The following OOSP4A variants were observed in gnomAD, a reference collection of about 807,000 sequenced individuals.
The protein encoded by OOSP4A is oocyte secreted protein family member 4A, also known as oocyte-secreted protein 4A.
At position 59,970,045 on chromosome 11, in the gene OOSP4A, A is replaced by T. The variant is rs1854139387; in HGVS notation, c.480-4A>T. On this transcript the variant is annotated splice_polypyrimidine_tract_variant and splice_region_variant and intron_variant, in intron 4 of 4. Coordinates refer to ENST00000645590, the Ensembl canonical transcript of OOSP4A. ...ATGTAACTGTTTCTTTTCCGTCCTT[A>T]CAGGAACAGTGTTCCCTTGTTGAGC... 3 of 398,106 alleles carry T rather than the reference A, an allele frequency of 7.5e-6. No homozygotes were observed. The highest frequency in any genetic ancestry group is 1.3e-5 in the Non-Finnish European group (3 of 225,702). The allele number at this position is 398,106 out of a possible 1,614,324, so 24.7% of individuals were successfully genotyped here.
At chr11:59,970,134 C>A in exon 5 of OOSP4A, 1 of 397,956 alleles carries the variant, frequency 2.5e-6, no homozygotes, top group Non-Finnish European at 4.4e-6. Flanking sequence ...ATGAGGCTAC[C>A]CTACTTCACC....
At position 59,965,533 on chromosome 11, in the gene OOSP4A, A is replaced by C; in HGVS notation, c.68-2A>C. On this transcript the variant is annotated splice_acceptor_variant, in intron 1 of 4. Coordinates refer to ENST00000645590, the Ensembl canonical transcript of OOSP4A. LOFTEE classifies it high-confidence loss of function. ...TTCCCTTTTTAAATTTTCTTTCAAC[A>C]GTGTCTATAACCTGTTCTGAATCCT... is the stretch of plus-strand genomic sequence containing the variant. 1 of 398,482 alleles carries C rather than the reference A, an allele frequency of 2.5e-6. No homozygotes were observed. Among genetic ancestry groups the C allele is most frequent in the Non-Finnish European group, 4.4e-6 (1 of 225,960 alleles). The allele number at this position is 398,482 out of a possible 1,614,324, so 24.7% of individuals were successfully genotyped here.
chr11:59,970,038 C>T lies in OOSP4A; in HGVS notation c.480-11C>T, dbSNP rs78281142. On this transcript the variant is annotated splice_polypyrimidine_tract_variant and intron_variant, in intron 4 of 4. Transcript: ENST00000645590. ...TACAACAATGTAACTGTTTCTTTTC[C>T]GTCCTTACAGGAACAGTGTTCCCTT... The T allele has an allele frequency of 1.1e-4, 44 of 397,904 alleles. No homozygotes were observed. Among genetic ancestry groups the T allele is most frequent in the African/African-American group, 5.5e-4 (27 of 48,690 alleles). 24.6% of individuals were successfully genotyped at this position (397,904 alleles called of 1,614,324 possible).
chr11:59,965,146 TGGGGGAG>T (rs1186148702), intron 1 of OOSP4A, among the ~76,000 whole-genome samples: 6 of 28,118 alleles, frequency 2.1e-4, no homozygotes, highest in Non-Finnish European at 3.2e-4. Context: ...TGTTGTGGGG[TGGGGGAG>T]GGGGGAGGGG....
intron 2 of OOSP4A, among the ~76,000 whole-genome samples, chr11:59,966,326 G>C (rs779823583): frequency 6.6e-6 from 1 of 151,026 alleles, no homozygotes; most frequent in African/African-American, 2.4e-5. Context: ...GTTTGCTGCT[G>C]TATCTCTAGT....
intron 1 of OOSP4A, among the ~76,000 whole-genome samples, chr11:59,965,257 C>T (rs1854087225): frequency 6.6e-6 from 1 of 152,014 alleles, no homozygotes; most frequent in South Asian, 2.1e-4. Context: ...TGTAACTAAC[C>T]TGCACGTTGT....
In OOSP4A at chr11:59,969,293, A is replaced by G; in HGVS notation, c.479+9A>G. On this transcript the variant is annotated intron_variant, in intron 4 of 4. Transcript: ENST00000645590. The stretch of plus-strand genomic sequence containing the variant: ...CCAAGAGTGTCCTATGTGTAAGAGT[A>G]TTTTGAATTAGTACCATAAATGTTT... 2 of 398,384 alleles carry G rather than the reference A, an allele frequency of 5.0e-6. No individual in the cohort carries two copies. The highest frequency in any genetic ancestry group is 1.3e-4 in the South Asian group (1 of 7,842). 24.7% of individuals were successfully genotyped at this position (398,384 alleles called of 1,614,324 possible).
intron 1 of OOSP4A, among the ~76,000 whole-genome samples, chr11:59,964,996 C>A (rs59228824): frequency 6.6e-6 from 1 of 151,734 alleles, no homozygotes; most frequent in Non-Finnish European, 1.5e-5. Flanking sequence ...GTGCATGTTG[C>A]GATATTTGAC....
chr11:59,969,010 G>A (rs1854130914), intron 3 of OOSP4A, 140 bp from the exon 4 acceptor site: 1 of 392,094 alleles, frequency 2.6e-6, no homozygotes, highest in Admixed American at 4.4e-5. Flanking sequence ...TTTCATATTT[G>A]TCTCAGCTAG....
intron 4 of OOSP4A, 112 bp downstream of exon 4, chr11:59,969,396 T>A (rs1447389216): frequency 5.0e-6 from 2 of 396,334 alleles, no homozygotes; most frequent in Admixed American, 4.4e-5. Flanking sequence ...ATTGCCCATA[T>A]GATTTTAGTT....
intron 1 of OOSP4A, among the ~76,000 whole-genome samples, chr11:59,964,393 C>T (rs1420226135): frequency 6.6e-6 from 1 of 151,736 alleles, no homozygotes; most frequent in African/African-American, 2.4e-5. Context: ...TGTTACTTTG[C>T]TGAATGTGAA....
intron 3 of OOSP4A, among the ~76,000 whole-genome samples, chr11:59,967,662 T>C (rs1167084582): frequency 1.3e-5 from 2 of 151,278 alleles, no homozygotes; most frequent in African/African-American, 4.8e-5. Context: ...TATATATATA[T>C]CTAATTTTTT....
intron 1 of OOSP4A, 139 bp downstream of exon 1, chr11:59,964,238 G>A (rs1398534584): frequency 2.3e-5 from 9 of 389,320 alleles, no homozygotes; most frequent in East Asian, 2.2e-4. Flanking sequence ...ACTAATGATC[G>A]CAAAGTTACA....
At chr11:59,966,977 AT>A (rs912702503) in intron 2 of OOSP4A, 89 bp from the exon 3 acceptor site, 6 of 391,546 alleles carry the variant, frequency 1.5e-5, no homozygotes, top group Non-Finnish European at 2.7e-5. Flanking sequence ...AGTAAAAATT[AT>A]TTTGTTTTTA....
chr11:59,969,996 TG>T (rs1201742543), intron 4 of OOSP4A, 52 bp from the exon 5 acceptor site: 4 of 397,432 alleles, frequency 1.0e-5, no homozygotes, highest in Non-Finnish European at 1.3e-5. Context: ...GATAGTTAGA[TG>T]GTAGTTTCCC....
chr11:59,965,626 T>G, exon 2 of OOSP4A: 1 of 398,584 alleles, frequency 2.5e-6, no homozygotes. Flanking sequence ...ACGAACTCTC[T>G]CTAGGAATTG....
chr11:59,965,160 G>C (rs1188601700), intron 1 of OOSP4A, among the ~76,000 whole-genome samples: 4 of 108,002 alleles, frequency 3.7e-5, no homozygotes, highest in Non-Finnish European at 1.9e-5. Context: ...GGAGGGGGGA[G>C]GGGGGAGGGA....
At chr11:59,966,159 C>A (rs1352139374) in intron 2 of OOSP4A, among the ~76,000 whole-genome samples, 1 of 150,352 alleles carries the variant, frequency 6.7e-6, no homozygotes, top group Admixed American at 6.6e-5. Flanking sequence ...TTTCCAGTCA[C>A]CAGAAAACTT....
chr11:59,969,114 A>C, intron 3 of OOSP4A, 36 bp from the exon 4 acceptor site: 1 of 398,246 alleles, frequency 2.5e-6, no homozygotes, highest in Non-Finnish European at 4.4e-6. Context: ...AGCATAATAT[A>C]TACAAAGCTT....
Sources: allele counts gnomAD v4.1 joint callset (sites outside exome capture counted in the v4.1 genomes callset), GRCh38; gene constraint gnomAD v4.1.1; transcripts MANE v1.5; gene names NCBI Gene and HGNC (gene_info 2026-07-23, HGNC 2026-07-21).